CA10: variants seen among roughly 807,000 people sequenced by gnomAD.
The protein encoded by CA10 is carbonic anhydrase 10 (inactive), also known as carbonic anhydrase-related protein 10.
Under a neutral mutation model 44.2 loss-of-function variants are expected in CA10, and 14 were observed. The ratio of observed to expected loss-of-function variants is 0.32; its 90% CI spans 0.21 to 0.50. The LOEUF (loss-of-function observed/expected upper bound fraction) is 0.50, where lower values mean the gene tolerates loss of function less well. Ranked by LOEUF, CA10 falls within the 20% of genes least tolerant of loss-of-function variation. CA10 has a pLI of 0.99. For synonymous variants in CA10, 159 were observed against 141.6 expected (o/e 1.12, Z -0.87); for missense variants, 350 against 409.7 (o/e 0.85, Z 1.26).
At chr17:52,038,076 G>A (rs903830971) in intron 2 of CA10, among the ~76,000 whole-genome samples, 1 of 152,102 alleles carries the variant, frequency 6.6e-6, no homozygotes, top group African/African-American at 2.4e-5. Flanking sequence ...ACAGAAGGCA[G>A]TCAATAAACA....
intron 2 of CA10, among the ~76,000 whole-genome samples, chr17:52,065,113 T>C (rs978245465): frequency 4.6e-5 from 7 of 152,224 alleles, no homozygotes; most frequent in Non-Finnish European, 1.0e-4. Flanking sequence ...TTCTCATACA[T>C]GTCATGCCCA....
At position 52,115,877 on chromosome 17, in the gene CA10, A is replaced by G. The variant is rs200716346; in HGVS notation, c.61+41849T>C. ...GGGAGGCCGAGGCAGGCAGATCACA[A>G]GGTCAAGAGATCGAGACCATCCTGG... On this transcript the variant is annotated intron_variant, in intron 1 of 8. Coordinates refer to ENST00000451037, the MANE Select transcript of CA10 (RefSeq NM_020178.5). 5.3e-5 allele frequency among the ~76,000 whole-genome samples: 8 copies of G among 152,360 alleles called. No homozygotes were observed. In the East Asian group the frequency reaches 1.4e-3, roughly 26 times the overall value.
chr17:51,742,144 G>A (rs1259291648), intron 4 of CA10, among the ~76,000 whole-genome samples: 1 of 152,160 alleles, frequency 6.6e-6, no homozygotes, highest in Non-Finnish European at 1.5e-5. Context: ...GAGAGAAAGG[G>A]GCTTGGGAAG....
At chr17:52,084,282 A>G (rs1056288375) in intron 1 of CA10, among the ~76,000 whole-genome samples, 6 of 152,198 alleles carry the variant, frequency 3.9e-5, no homozygotes, top group African/African-American at 1.2e-4. Flanking sequence ...CATGCAAACC[A>G]TAGGAAAAGG....
chr17:51,990,956 T>G (rs1985017625), intron 2 of CA10, among the ~76,000 whole-genome samples: 1 of 152,104 alleles, frequency 6.6e-6, no homozygotes, highest in Non-Finnish European at 1.5e-5. Flanking sequence ...ATCTGCCCTT[T>G]TCTGAGAGGT....
At chr17:51,986,301 C>T (rs192891211) in intron 2 of CA10, among the ~76,000 whole-genome samples, 4 of 152,090 alleles carry the variant, frequency 2.6e-5, no homozygotes, top group Non-Finnish European at 5.9e-5. Flanking sequence ...TGGCAAGCCA[C>T]ATGTAAGAGA....
At chr17:52,142,484 C>A (rs187492065) in intron 1 of CA10, among the ~76,000 whole-genome samples, 1 of 152,062 alleles carries the variant, frequency 6.6e-6, no homozygotes, top group Non-Finnish European at 1.5e-5. Flanking sequence ...TTTAATAATG[C>A]TTATAAAAAA....
intron 3 of CA10, among the ~76,000 whole-genome samples, chr17:51,770,540 C>T (rs1387487215): frequency 6.6e-6 from 1 of 152,186 alleles, no homozygotes; most frequent in Non-Finnish European, 1.5e-5. Flanking sequence ...AGCACAGTAT[C>T]TCACTGAGTC....
intron 3 of CA10, among the ~76,000 whole-genome samples, chr17:51,889,849 G>T (rs1368113281): frequency 6.6e-6 from 1 of 152,182 alleles, no homozygotes; most frequent in Admixed American, 6.5e-5. Flanking sequence ...TTTTGCTAAA[G>T]AATTTGTGAA....
At position 51,630,905 on chromosome 17, in the gene CA10, G is replaced by GAAAT. The variant is rs1443934645; in HGVS notation, c.*675_*678dup. On this transcript the variant is annotated 3_prime_UTR_variant, in exon 9 of 9. Coordinates refer to ENST00000451037, the MANE Select transcript of CA10 (RefSeq NM_020178.5). ...CTACTACAGATATGTGACAAAGAGG[G>GAAAT]AAATAATTCCATTTCCTTATAGTCT... 1 of 152,656 alleles carries GAAAT rather than the reference G, an allele frequency of 6.6e-6. No homozygotes were observed. Among genetic ancestry groups the GAAAT allele is most frequent in the East Asian group, 1.9e-4 (1 of 5,202 alleles). 9.5% of individuals were successfully genotyped at this position (152,656 alleles called of 1,614,324 possible).
chr17:51,937,194 T>C (rs1279166300), intron 2 of CA10, among the ~76,000 whole-genome samples: 1 of 152,178 alleles, frequency 6.6e-6, no homozygotes, highest in Non-Finnish European at 1.5e-5. Context: ...CACTTCAATA[T>C]AGCAATCTCT....
chr17:52,108,011 A>G (rs1988696521), intron 1 of CA10, among the ~76,000 whole-genome samples: 1 of 151,962 alleles, frequency 6.6e-6, no homozygotes, highest in African/African-American at 2.4e-5. Context: ...AAGTTTCAAG[A>G]AAGGAATTTG....
chr17:52,105,400 G>A (rs960658298), intron 1 of CA10, among the ~76,000 whole-genome samples: 6 of 152,034 alleles, frequency 3.9e-5, no homozygotes, highest in South Asian at 2.1e-4. Context: ...GACTACAGGC[G>A]CCTGCCACCA....
At chr17:51,741,293 G>T (rs1904452130) in intron 4 of CA10, among the ~76,000 whole-genome samples, 1 of 152,128 alleles carries the variant, frequency 6.6e-6, no homozygotes, top group Admixed American at 6.5e-5. Context: ...CAATCCTTTT[G>T]TGTCCTTTAC....
At chr17:51,747,235 T>G (rs924130762) in intron 4 of CA10, among the ~76,000 whole-genome samples, 1 of 152,214 alleles carries the variant, frequency 6.6e-6, no homozygotes, top group Non-Finnish European at 1.5e-5. Context: ...CTCATTATAT[T>G]CAAAAGAAAA....
At chr17:51,977,834 T>C (rs1018016383) in intron 2 of CA10, among the ~76,000 whole-genome samples, 1 of 152,116 alleles carries the variant, frequency 6.6e-6, no homozygotes, top group Non-Finnish European at 1.5e-5. Context: ...AATTCACTAA[T>C]ACTGCAGAAT....
Position 51,740,393 on chromosome 17 carries a change from G to T in CA10, c.465+7240C>A, listed in dbSNP as rs567935646. On this transcript the variant is annotated intron_variant, in intron 4 of 8. Transcript: ENST00000451037. Reference sequence around the variant, plus strand: ...AGCAGATGCGTAATCATTCGTATTGGGTTTATGGATAAATTGTGGGCTATA... The same window carrying T: ...AGCAGATGCGTAATCATTCGTATTGTGTTTATGGATAAATTGTGGGCTATA... Among the ~76,000 whole-genome samples, 16 of 152,118 alleles carry T rather than the reference G, an allele frequency of 1.1e-4. No homozygotes were observed. In the South Asian group the frequency reaches 3.3e-3, roughly 32 times the overall value.
intron 4 of CA10, among the ~76,000 whole-genome samples, chr17:51,714,454 C>G (rs1185060298): frequency 2.0e-4 from 31 of 152,124 alleles, no homozygotes; most frequent in Admixed American, 1.9e-3. Context: ...GTGACTTGCC[C>G]TAGAAAAATA....
intron 1 of CA10, among the ~76,000 whole-genome samples, chr17:52,098,275 A>G (rs1988454078): frequency 6.6e-6 from 1 of 152,230 alleles, no homozygotes; most frequent in Non-Finnish European, 1.5e-5. Flanking sequence ...GTGTTTATCA[A>G]ACCTCAGTGT....
Sources: allele counts gnomAD v4.1 joint callset (sites outside exome capture counted in the v4.1 genomes callset), GRCh38; gene constraint gnomAD v4.1.1; transcripts MANE v1.5; gene names NCBI Gene and HGNC (gene_info 2026-07-23, HGNC 2026-07-21).